Variants in PCDHGA3 observed in about 807,000 individuals in gnomAD.
The protein encoded by PCDHGA3 is protocadherin gamma subfamily A, 3, also known as protocadherin gamma-A3.
Under a neutral mutation model 58.5 loss-of-function variants are expected in PCDHGA3, and 40 were observed. The observed-to-expected ratio is 0.68, with a 90% CI of 0.53 to 0.89. The LOEUF (loss-of-function observed/expected upper bound fraction) is 0.89. PCDHGA3 is among the 40% of genes least tolerant of loss of function. The pLI is 0.00. For missense variants in PCDHGA3, 1,223 were observed against 1,195.9 expected, an observed-to-expected ratio of 1.02 and a Z score of -0.33; for synonymous variants, 530 against 525.7, an observed-to-expected ratio of 1.01 and a Z score of -0.11.
At chr5:141,382,121 C>T (rs1437558526) in intron 1 of PCDHGA3, among the ~76,000 whole-genome samples, 1 of 152,068 alleles carries the variant, frequency 6.6e-6, no homozygotes, top group African/African-American at 2.4e-5. Flanking sequence ...AGCAACAGCA[C>T]CTGGCCCCCC....
intron 1 of PCDHGA3, chr5:141,371,290 G>A (rs1233908065): frequency 6.2e-7 from 1 of 1,613,998 alleles, no homozygotes; most frequent in Non-Finnish European, 8.5e-7. Flanking sequence ...AGTAAAACGG[G>A]GGAACTCACC....
rs1404533394 is a variant in PCDHGA3, at chr5:141,491,708, G to T, written c.2425-3099G>T. ...CTGCGGGAGCGGAGCCAGGTGAGGG[G>T]CTCGGCGCCGCCCCGGGCGACCCCT... On this transcript the variant is annotated intron_variant, in intron 1 of 3. Transcript: ENST00000253812. The surrounding 1 kb of genome is among the most constrained non-coding windows in gnomAD (Gnocchi z 6.9). 1 of 1,610,132 alleles carries T rather than the reference G, an allele frequency of 6.2e-7. No individual in the cohort carries two copies. Among genetic ancestry groups the T allele is most frequent in the Admixed American group, 1.7e-5 (1 of 59,518 alleles).
chr5:141,449,842 A>G (rs893220311), intron 1 of PCDHGA3, among the ~76,000 whole-genome samples: 4 of 151,700 alleles, frequency 2.6e-5, no homozygotes, highest in Non-Finnish European at 4.4e-5. Flanking sequence ...TTATATAATT[A>G]AATTTTAATA....
At chr5:141,383,710 G>C (rs1388027066) in intron 1 of PCDHGA3, 1 of 1,613,992 alleles carries the variant, frequency 6.2e-7, no homozygotes. Flanking sequence ...CGACCTGGAC[G>C]AGGGAGTCAA....
At chr5:141,447,178 C>T (rs1258561542) in intron 1 of PCDHGA3, among the ~76,000 whole-genome samples, 2 of 152,094 alleles carry the variant, frequency 1.3e-5, no homozygotes, top group Middle Eastern at 3.4e-3. Context: ...TTGCTCTTGT[C>T]GCGCAGGCTG....
chr5:141,365,893 C>G, intron 1 of PCDHGA3: 3 of 1,614,190 alleles, frequency 1.9e-6, no homozygotes, highest in Admixed American at 1.7e-5. Flanking sequence ...GATCCTTCGA[C>G]TATGAGCAGT....
chr5:141,374,030 T>G, intron 1 of PCDHGA3: 1 of 1,430,454 alleles, frequency 7.0e-7, no homozygotes. Context: ...GCAAAAGTGA[T>G]GCAGATCTGT....
Position 141,489,317 on chromosome 5 carries a change from G to T in PCDHGA3, c.2425-5490G>T. ...ATGTTGTCCTTGTGCTGCTGGGGCT[G>T]GGTGTCTGGGCAGCTTCGTTACTCA... is the stretch of plus-strand genomic sequence containing the variant. On this transcript the variant is annotated intron_variant, in intron 1 of 3. Coordinates refer to ENST00000253812, the MANE Select transcript of PCDHGA3 (RefSeq NM_018916.4). The surrounding 1 kb of genome is among the most constrained non-coding windows in gnomAD (Gnocchi z 4.5). 6.3e-7 allele frequency: 1 copy of T among 1,598,654 alleles called. No homozygotes were observed. The highest frequency in any genetic ancestry group is 8.5e-7 in the Non-Finnish European group (1 of 1,171,456).
chr5:141,486,345 A>C lies in PCDHGA3; in HGVS notation c.2425-8462A>C. On this transcript the variant is annotated intron_variant, in intron 1 of 3. Coordinates refer to ENST00000253812, the MANE Select transcript of PCDHGA3 (RefSeq NM_018916.4). This position sits in a 1 kb window ranked among gnomAD's most constrained non-coding sequence, Gnocchi z 5.0. Reference sequence around the variant, plus strand: ...GGAGATGTGAGCCTCCGCATTCCTGACCACTTGCCATTTGCCCTCAAGTCT... The same window carrying C: ...GGAGATGTGAGCCTCCGCATTCCTGCCCACTTGCCATTTGCCCTCAAGTCT... The C allele has an allele frequency of 6.2e-7, 1 of 1,613,940 alleles. No homozygotes were observed. The highest frequency in any genetic ancestry group is 8.5e-7 in the Non-Finnish European group (1 of 1,179,986).
intron 1 of PCDHGA3, chr5:141,423,800 T>C: frequency 1.6e-5 from 14 of 895,104 alleles, no homozygotes; most frequent in East Asian, 1.3e-4. Context: ...TTTAGAGCAA[T>C]ACATGTGAGT....
Position 141,491,739 on chromosome 5 carries a change from C to A in PCDHGA3, c.2425-3068C>A, listed in dbSNP as rs372183034. ...CGCCGCCCCGGGCGACCCCTGGGGG[C>A]GGCACTGGAGAAGCCGCCCGTCCTC... On this transcript the variant is annotated intron_variant, in intron 1 of 3. Transcript: ENST00000253812. The surrounding 1 kb of genome is among the most constrained non-coding windows in gnomAD (Gnocchi z 6.9). 2 of 1,598,886 alleles carry A rather than the reference C, an allele frequency of 1.3e-6. No individual in the cohort carries two copies. The highest frequency in any genetic ancestry group is 1.3e-5 in the African/African-American group (1 of 74,290).
intron 1 of PCDHGA3, chr5:141,403,694 C>A (rs746395931): frequency 2.5e-6 from 4 of 1,613,878 alleles, no homozygotes; most frequent in Admixed American, 1.7e-5. Context: ...ACGGATTTAC[C>A]GAGTTAAAGT....
At chr5:141,502,525 G>A (rs1258704254) in intron 2 of PCDHGA3, among the ~76,000 whole-genome samples, 1 of 152,074 alleles carries the variant, frequency 6.6e-6, no homozygotes, top group Non-Finnish European at 1.5e-5. Flanking sequence ...CAGTGATGCC[G>A]AGTTTGTTCG....
Position 141,362,398 on chromosome 5 carries a change from T to C in PCDHGA3, c.2424+15941T>C, listed in dbSNP as rs748697747. 16 of 1,613,926 alleles carry C rather than the reference T, an allele frequency of 9.9e-6. No individual in the cohort carries two copies. Among genetic ancestry groups the C allele is most frequent in the Admixed American group, 5.0e-5 (3 of 60,014 alleles). ...TACATTGCCCTATTCCTACAACCTG[T>C]GTGTTGCCTCACAATCAGCCAAGAC... On this transcript the variant is annotated intron_variant, in intron 1 of 3. Coordinates refer to ENST00000253812, the MANE Select transcript of PCDHGA3 (RefSeq NM_018916.4).
chr5:141,399,543 C>T (rs2093831494), intron 1 of PCDHGA3: 3 of 1,614,042 alleles, frequency 1.9e-6, no homozygotes, highest in Non-Finnish European at 2.5e-6. Flanking sequence ...AAGTCTGCGC[C>T]TCGGACCTGG....
At chr5:141,374,630 C>T (rs1273504244) in intron 1 of PCDHGA3, 1 of 1,613,140 alleles carries the variant, frequency 6.2e-7, no homozygotes, top group South Asian at 1.1e-5. Flanking sequence ...AGTGGACGTG[C>T]AAAGCGAAGC....
chr5:141,376,263 C>T (rs1348716434), intron 1 of PCDHGA3: 1 of 1,614,226 alleles, frequency 6.2e-7, no homozygotes, highest in South Asian at 1.1e-5. Flanking sequence ...CTGCTGCAGG[C>T]TTCGGGAGGT....
intron 1 of PCDHGA3, chr5:141,395,542 TTGTGTGTGTGTGTGTGTG>T (rs55729045): frequency 3.2e-4 from 55 of 172,630 alleles, no homozygotes; most frequent in Middle Eastern, 1.8e-3. Context: ...TTGCTATTGT[TTGTGTGTGTGTGTGTGTG>T]TGTGTGTGTG....
At position 141,490,169 on chromosome 5, in the gene PCDHGA3, T is replaced by C; in HGVS notation, c.2425-4638T>C. ...ATCCATGTGTTGGGTCCCATAGACT[T>C]TGAGGAGTCACGTTTCTATGAAATT... On this transcript the variant is annotated intron_variant, in intron 1 of 3. Transcript: ENST00000253812. This position sits in a 1 kb window ranked among gnomAD's most constrained non-coding sequence, Gnocchi z 5.4. 6.2e-7 allele frequency: 1 copy of C among 1,614,190 alleles called. No individual in the cohort carries two copies. The highest frequency in any genetic ancestry group is 8.5e-7 in the Non-Finnish European group (1 of 1,180,018).
Sources: allele counts gnomAD v4.1 joint callset (sites outside exome capture counted in the v4.1 genomes callset), GRCh38; gene constraint gnomAD v4.1.1; non-coding constraint Gnocchi (gnomAD v3.1); transcripts MANE v1.5; gene names NCBI Gene and HGNC (gene_info 2026-07-23, HGNC 2026-07-21).